The following UNC80 variants were observed in gnomAD, a reference collection of about 807,000 sequenced individuals.
UNC80 encodes unc-80 subunit of NALCN channel complex.
In UNC80, 164 loss-of-function variants were observed where a neutral mutation model predicts 384.6. The observed-to-expected ratio is 0.43, with a 90% CI of 0.38 to 0.49. UNC80 has a LOEUF of 0.49. Ranked by LOEUF, UNC80 falls within the 20% of genes least tolerant of loss-of-function variation. The pLI, the probability that UNC80 is intolerant of heterozygous loss-of-function variation, is 0.00. For missense variants in UNC80, 3,330 were observed against 4,143.0 expected, an observed-to-expected ratio of 0.80 and a Z score of 5.39; for synonymous variants, 1,486 against 1,527.8, an observed-to-expected ratio of 0.97 and a Z score of 0.64.
Position 209,935,785 on chromosome 2 carries a change from A to C in UNC80, c.6250A>C (p.Thr2084Pro). The change falls in exon 40 of 65, where the codon ACT becomes CCT. Residue 2084 changes from threonine to proline, a missense_variant. By Grantham distance (38) the Thr-to-Pro change is conservative. Transcript: ENST00000673920. The part of the protein sequence containing the change: ...IPTQLPVHED[T>P]QFEALLKECL... ...AACCCAGTTACCAGTCCATGAAGAC[A>C]CTCAATTTGAAGCCCTGTTGAAGGT... The C allele has an allele frequency of 6.5e-7, 1 of 1,541,328 alleles. No homozygotes were observed. Among genetic ancestry groups the C allele is most frequent in the Non-Finnish European group, 8.7e-7 (1 of 1,143,100 alleles).
intron 7 of UNC80, among the ~76,000 whole-genome samples, chr2:209,800,687 G>T (rs1411214182): frequency 1.3e-5 from 2 of 152,078 alleles, no homozygotes; most frequent in African/African-American, 4.8e-5. Flanking sequence ...TTCTGATATG[G>T]ACATTTAGTG....
intron 61 of UNC80, among the ~76,000 whole-genome samples, chr2:209,986,742 T>TTA (rs2093298102): frequency 6.6e-6 from 1 of 152,198 alleles, no homozygotes; most frequent in African/African-American, 2.4e-5. Context: ...ATAATTCTAA[T>TTA]AGCACAGAGG....
At chr2:209,894,429 A>T (rs1340411310) in intron 27 of UNC80, 63 bp downstream of exon 27, 14 of 905,164 alleles carry the variant, frequency 1.5e-5, no homozygotes, top group Non-Finnish European at 1.7e-5. Context: ...CCAAGTCCCA[A>T]AAGAGCTGAA....
rs77060608 is a variant in UNC80 at position 209,899,357 on chromosome 2, G to A, written c.4581+2944G>A. Among the ~76,000 whole-genome samples the A allele has an allele frequency of 6.5e-3, 984 of 152,298 alleles. 30 individuals are homozygous for A. The South Asian group carries it at 0.067, about 10-fold the overall frequency. On this transcript the variant is annotated intron_variant, in intron 28 of 64. Coordinates refer to ENST00000673920, the MANE Select transcript of UNC80 (RefSeq NM_001371986.1). ...TATAAGTTCATTGATTGTAATAAGTGTACCACTCTGAGGCAAGGTGTTGAT... is the reference window on the plus strand; with the variant it reads ...TATAAGTTCATTGATTGTAATAAGTATACCACTCTGAGGCAAGGTGTTGAT...
At chr2:209,886,246 T>G (rs1401135498) in intron 25 of UNC80, among the ~76,000 whole-genome samples, 1 of 151,618 alleles carries the variant, frequency 6.6e-6, no homozygotes, top group African/African-American at 2.4e-5. Flanking sequence ...TTATATATAT[T>G]TTTAGGTACT....
Position 209,912,580 on chromosome 2 carries a change from G to C in UNC80, c.4803G>C (p.Leu1601=). The change falls in exon 30 of 65, where the codon CTG becomes CTC. Residue 1601 remains leucine (L), a synonymous_variant. Coordinates refer to ENST00000673920, the MANE Select transcript of UNC80 (RefSeq NM_001371986.1). ...KQKECSDKSC[L]RTPSLKKRVS... is the part of the protein sequence containing the mutation. ...TTCAGTGCTCAGATAAGTCATGCCT[G>C]AGGACACCTTCTCTAAAGAAGAGAG... is the stretch of plus-strand genomic sequence containing the variant. The C allele has an allele frequency of 4.5e-6, 7 of 1,551,356 alleles. No individual in the cohort carries two copies. Among genetic ancestry groups the C allele is most frequent in the Non-Finnish European group, 6.1e-6 (7 of 1,146,698 alleles).
intron 29 of UNC80, among the ~76,000 whole-genome samples, chr2:209,906,822 A>G (rs1221437154): frequency 1.3e-5 from 2 of 152,174 alleles, no homozygotes; most frequent in Non-Finnish European, 2.9e-5. Context: ...AAGAAAATCT[A>G]TTTTTATTTA....
chr2:209,879,660 A>G (rs959468226), intron 24 of UNC80, among the ~76,000 whole-genome samples: 2 of 152,198 alleles, frequency 1.3e-5, no homozygotes, highest in South Asian at 4.1e-4. Context: ...ATTTAGTCAA[A>G]TAGCCCCTAT....
chr2:209,890,424 C>T (rs544889738), intron 26 of UNC80, among the ~76,000 whole-genome samples: 25 of 152,260 alleles, frequency 1.6e-4, no homozygotes, highest in African/African-American at 5.5e-4. Context: ...CACTTGATTC[C>T]TTAGGGTTAA....
intron 7 of UNC80, among the ~76,000 whole-genome samples, chr2:209,800,558 C>G (rs990403881): frequency 6.7e-6 from 1 of 149,460 alleles, no homozygotes; most frequent in Admixed American, 6.7e-5. Flanking sequence ...CTATCTTCTT[C>G]AGTTCTTCCC....
intron 2 of UNC80, 30 bp from the exon 3 acceptor site, chr2:209,775,859 T>C (rs113280907): frequency 2.9e-5 from 46 of 1,602,126 alleles, no homozygotes; most frequent in African/African-American, 2.3e-4. Flanking sequence ...ATTTTGGCTT[T>C]TCTTATTGTT....
chr2:209,993,950 C>A, intron 63 of UNC80, 115 bp from the exon 64 acceptor site: 1 of 888,062 alleles, frequency 1.1e-6, no homozygotes, highest in Non-Finnish European at 1.7e-6. Flanking sequence ...AATAAACCAG[C>A]AATGTTTTTA....
At chr2:209,813,451 G>A in intron 7 of UNC80, 129 bp from the exon 8 acceptor site, 1 of 991,592 alleles carries the variant, frequency 1.0e-6, no homozygotes, top group Non-Finnish European at 1.4e-6. Context: ...GGATATTAGA[G>A]TAAACTACGT....
At chr2:209,981,008 T>C (rs1219915541) in intron 59 of UNC80, among the ~76,000 whole-genome samples, 1 of 152,226 alleles carries the variant, frequency 6.6e-6, no homozygotes, top group Non-Finnish European at 1.5e-5. Context: ...AAGAATCAAT[T>C]TTAAGTCAGT....
chr2:209,985,678 G>A (rs2093272504), intron 61 of UNC80, among the ~76,000 whole-genome samples: 1 of 152,194 alleles, frequency 6.6e-6, no homozygotes, highest in Admixed American at 6.5e-5. Flanking sequence ...TTGTGCTGTT[G>A]ATTCACACCT....
chr2:209,912,605 G>A lies in UNC80; in HGVS notation c.4828G>A (p.Val1610Ile). The A allele has an allele frequency of 6.4e-7, 1 of 1,551,570 alleles. No homozygotes were observed. The highest frequency in any genetic ancestry group is 1.2e-5 in the South Asian group (1 of 84,042). The change falls in exon 30 of 65, where the codon GTT becomes ATT. Residue 1610 changes from valine (V) to isoleucine (I), a missense_variant. Physicochemically the swap from Val to Ile is conservative, Grantham distance 29. Around this residue, in one of 8 missense-constraint regions of UNC80, gnomAD observed 801 missense variants for 950.8 expected, o/e 0.84. Coordinates refer to ENST00000673920, the MANE Select transcript of UNC80 (RefSeq NM_001371986.1). ...CLRTPSLKKR[V>I]SDANLEGKKD... ...GAGGACACCTTCTCTAAAGAAGAGA[G>A]TTTCAGATGCCAATCTGGAAGGAAA...
chr2:209,920,990 G>A (rs920257810), intron 33 of UNC80, among the ~76,000 whole-genome samples: 6 of 152,188 alleles, frequency 3.9e-5, no homozygotes, highest in African/African-American at 1.4e-4. Flanking sequence ...ACCACGCCCA[G>A]CTAATTTTTG....
intron 47 of UNC80, among the ~76,000 whole-genome samples, chr2:209,952,786 C>G (rs2092245115): frequency 6.6e-6 from 1 of 152,108 alleles, no homozygotes; most frequent in Admixed American, 6.6e-5. Context: ...CAGCAAGGTA[C>G]TTTTTATTGT....
chr2:209,921,342 T>G (rs1261891237), intron 33 of UNC80, among the ~76,000 whole-genome samples, 158 bp from the exon 34 acceptor site: 1 of 152,180 alleles, frequency 6.6e-6, no homozygotes, highest in East Asian at 1.9e-4. Context: ...GCTTGGAAAT[T>G]TGGTAAAAGG....
Sources: gnomAD v4.1 joint callset for allele counts (sites outside exome capture counted in the v4.1 genomes callset) on GRCh38, gnomAD v4.1.1 for gene constraint, gnomAD v4.1.1 regional missense constraint, MANE v1.5 for transcripts, NCBI Gene and HGNC (gene_info 2026-07-23, HGNC 2026-07-21) for gene names.